The following LINC00305 variants were observed in gnomAD, a reference collection of about 807,000 sequenced individuals.
LINC00305 encodes long intergenic non-protein coding RNA 305.
chr18:64,139,230 G>A (rs1599231106), intron 1 of LINC00305, among the ~76,000 whole-genome samples: 1 of 152,222 alleles, frequency 6.6e-6, no homozygotes, highest in African/African-American at 2.4e-5. Flanking sequence ...ATTCAGAGCA[G>A]CAGCCTCTAA....
At chr18:64,142,532 C>A (rs777384009) in intron 1 of LINC00305, among the ~76,000 whole-genome samples, 1 of 152,196 alleles carries the variant, frequency 6.6e-6, no homozygotes, top group Non-Finnish European at 1.5e-5. Flanking sequence ...CTTGATGAGT[C>A]TCTGGAGACC....
intron 1 of LINC00305, among the ~76,000 whole-genome samples, chr18:64,106,709 A>AGTAT (rs1348450274): frequency 6.6e-6 from 1 of 152,264 alleles, no homozygotes; most frequent in Non-Finnish European, 1.5e-5. Context: ...CACGGACCCA[A>AGTAT]GTATGATCAT....
intron 1 of LINC00305, among the ~76,000 whole-genome samples, chr18:64,135,794 A>G (rs937507560): frequency 6.6e-6 from 1 of 151,892 alleles, no homozygotes; most frequent in East Asian, 1.9e-4. Flanking sequence ...CATGTTGGCC[A>G]TGTTGTTCTG....
At chr18:64,141,949 A>G (rs1199689958) in intron 1 of LINC00305, among the ~76,000 whole-genome samples, 1 of 152,232 alleles carries the variant, frequency 6.6e-6, no homozygotes, top group East Asian at 1.9e-4. Context: ...TGAAAACATG[A>G]TCATTTCACA....
chr18:64,104,449 A>G (rs2051281069), intron 1 of LINC00305, among the ~76,000 whole-genome samples: 1 of 152,212 alleles, frequency 6.6e-6, no homozygotes, highest in East Asian at 1.9e-4. Flanking sequence ...GCATCCATAG[A>G]AAGAAGATTC....
intron 1 of LINC00305, among the ~76,000 whole-genome samples, chr18:64,127,071 C>T (rs1213551541): frequency 6.6e-6 from 1 of 151,978 alleles, no homozygotes; most frequent in Non-Finnish European, 1.5e-5. Flanking sequence ...GAAGAGTAAC[C>T]TTCCTCCCCG....
intron 1 of LINC00305, among the ~76,000 whole-genome samples, chr18:64,146,015 G>A (rs1355773314): frequency 6.6e-6 from 1 of 152,022 alleles, no homozygotes; most frequent in African/African-American, 2.4e-5. Context: ...AAGAAAAAAA[G>A]TGAAATATTA....
chr18:64,122,925 C>T (rs1260218326), intron 1 of LINC00305, among the ~76,000 whole-genome samples: 1 of 151,862 alleles, frequency 6.6e-6, no homozygotes, highest in African/African-American at 2.4e-5. Context: ...TAAATATATA[C>T]TTAGATATTT....
chr18:64,135,059 G>T (rs749868933), intron 1 of LINC00305, among the ~76,000 whole-genome samples: 2 of 152,150 alleles, frequency 1.3e-5, no homozygotes. Context: ...AGCAGTATCC[G>T]TTCCTTTTGA....
chr18:64,103,361 C>T (rs1187777316), intron 1 of LINC00305, among the ~76,000 whole-genome samples: 1 of 152,028 alleles, frequency 6.6e-6, no homozygotes, highest in African/African-American at 2.4e-5. Flanking sequence ...TTATTTTTTC[C>T]TAAGCAGCCT....
At chr18:64,141,422 G>A (rs1338372887) in intron 1 of LINC00305, among the ~76,000 whole-genome samples, 1 of 152,092 alleles carries the variant, frequency 6.6e-6, no homozygotes, top group East Asian at 1.9e-4. Context: ...TTTAAAAAAG[G>A]TTACTGTTGA....
At chr18:64,084,769 T>C (rs1200429511) in intron 3 of LINC00305, among the ~76,000 whole-genome samples, 1 of 152,246 alleles carries the variant, frequency 6.6e-6, no homozygotes, top group Non-Finnish European at 1.5e-5. Context: ...GAGGCTTAGA[T>C]GGTCTAGGCT....
At chr18:64,113,583 A>G (rs1246751980) in intron 1 of LINC00305, among the ~76,000 whole-genome samples, 4 of 152,200 alleles carry the variant, frequency 2.6e-5, no homozygotes, top group Non-Finnish European at 5.9e-5. Flanking sequence ...ACTGCCCATG[A>G]GAGTGAGGAG....
chr18:64,106,490 T>C (rs1160554370), intron 1 of LINC00305, among the ~76,000 whole-genome samples: 3 of 152,216 alleles, frequency 2.0e-5, no homozygotes, highest in Admixed American at 6.5e-5. Flanking sequence ...GCCCTCTCCC[T>C]CTGCCCATTC....
At position 64,113,855 on chromosome 18, in the gene LINC00305, T is replaced by C. The variant is rs147550528; in HGVS notation, n.315-15215A>G. Among the ~76,000 whole-genome samples the C allele has an allele frequency of 3.3e-5, 5 of 152,350 alleles. No individual in the cohort carries two copies. The East Asian group carries it at 9.6e-4, about 29-fold the overall frequency. On this transcript the variant is annotated intron_variant and non_coding_transcript_variant, in intron 1 of 3. Coordinates refer to ENST00000666468, the Ensembl canonical transcript of LINC00305. ...TTCTTTGGAGGCTGACTCTGTAGAC[T>C]TTCTAAAGCACACTGAAACTTGTAA...
intron 3 of LINC00305, among the ~76,000 whole-genome samples, chr18:64,081,396 G>A (rs1007711118): frequency 8.5e-5 from 13 of 152,278 alleles, no homozygotes; most frequent in Non-Finnish European, 1.8e-4. Flanking sequence ...ACTGGAGGAA[G>A]ATTAAAGGGA....
At chr18:64,137,594 C>G (rs1032049822) in intron 1 of LINC00305, among the ~76,000 whole-genome samples, 2 of 152,188 alleles carry the variant, frequency 1.3e-5, no homozygotes, top group African/African-American at 4.8e-5. Context: ...CACTTTTAAA[C>G]AACTCAAATC....
chr18:64,143,520 A>G (rs1264369332), intron 1 of LINC00305, among the ~76,000 whole-genome samples: 1 of 147,666 alleles, frequency 6.8e-6, no homozygotes, highest in African/African-American at 2.6e-5. Context: ...CCATCAATAT[A>G]CATATTATGT....
chr18:64,120,123 T>C (rs1309852339), intron 1 of LINC00305, among the ~76,000 whole-genome samples: 1 of 152,122 alleles, frequency 6.6e-6, no homozygotes, highest in Admixed American at 6.6e-5. Flanking sequence ...AGAGGGGGCA[T>C]CTTTCAACAA....
Sources: allele counts gnomAD v4.1 joint callset (sites outside exome capture counted in the v4.1 genomes callset), GRCh38; gene constraint gnomAD v4.1.1; transcripts MANE v1.5; gene names NCBI Gene and HGNC (gene_info 2026-07-23, HGNC 2026-07-21).